PGBD2: variants seen among roughly 807,000 people sequenced by gnomAD.
PGBD2 encodes the protein piggyBac transposable element derived 2, also known as piggyBac transposable element-derived protein 2.
In PGBD2, 6 loss-of-function variants were observed where a neutral mutation model predicts 8.1. The observed-to-expected ratio is 0.74, with a 90% CI of 0.40 to 1.46. PGBD2 has a LOEUF of 1.46. PGBD2 is among the 40% of genes most tolerant of loss of function. The pLI is 0.02. For synonymous variants in PGBD2, 318 were observed against 272.2 expected (o/e 1.17, Z -1.66); for missense variants, 802 against 739.0 (o/e 1.09, Z -0.99).
downstream of PGBD2, among the ~76,000 whole-genome samples, chr1:248,924,853 T>C (rs1391414400): frequency 6.8e-6 from 1 of 148,038 alleles, no homozygotes; most frequent in African/African-American, 2.7e-5. Flanking sequence ...AGGGTGTCTG[T>C]TTTTCTTACC....
At chr1:248,879,330 T>G in the PGBD2 span, among the ~76,000 whole-genome samples, 2 of 152,216 alleles carry the variant, frequency 1.3e-5, no homozygotes, top group Admixed American at 6.5e-5. Context: ...ATTTTGTGTG[T>G]CAATTGTTAT....
intron 1 of PGBD2, among the ~76,000 whole-genome samples, chr1:248,907,405 G>A (rs112746244): frequency 6.6e-6 from 1 of 152,212 alleles, no homozygotes; most frequent in African/African-American, 2.4e-5. Context: ...CCAGGGGCAG[G>A]CAGGACACAG....
intron 1 of PGBD2, among the ~76,000 whole-genome samples, chr1:248,907,293 C>G (rs1317371383): frequency 6.6e-6 from 1 of 152,252 alleles, no homozygotes; most frequent in Non-Finnish European, 1.5e-5. Flanking sequence ...AACAGGGCAG[C>G]ATTGCTGCCA....
At chr1:248,923,218 C>A (rs1662321503), downstream of PGBD2, among the ~76,000 whole-genome samples, 1 of 152,148 alleles carries the variant, frequency 6.6e-6, no homozygotes, top group Non-Finnish European at 1.5e-5. Context: ...TTATTTGTTT[C>A]TTCTAGATTT....
intron 1 of PGBD2, among the ~76,000 whole-genome samples, chr1:248,906,952 C>A (rs1318936916): frequency 6.6e-6 from 1 of 152,028 alleles, no homozygotes; most frequent in African/African-American, 2.4e-5. Context: ...TGTGGGATAT[C>A]TTGTCAGGTG....
chr1:248,918,683 T>TG lies in PGBD2; in HGVS notation c.*321dup, dbSNP rs1225728726. On this transcript the variant is annotated 3_prime_UTR_variant, in exon 3 of 3. Coordinates refer to ENST00000329291, the MANE Select transcript of PGBD2 (RefSeq NM_170725.3). ...TAGCAAGAATAATCAAAGGAAAACT[T>TG]GCAAGAACAGTAAGAAGACTTTACC... 1.8e-5 allele frequency: 3 copies of TG among 170,068 alleles called. No homozygotes were observed. The highest frequency in any genetic ancestry group is 7.2e-5 in the African/African-American group (3 of 41,702). 10.5% of individuals were successfully genotyped at this position (170,068 alleles called of 1,614,324 possible). A position where few individuals can be genotyped will look rare whatever the true frequency, so the allele number is the denominator to read the frequency against.
downstream of PGBD2, among the ~76,000 whole-genome samples, chr1:248,920,281 A>C (rs1662257982): frequency 6.6e-6 from 1 of 151,928 alleles, no homozygotes; most frequent in Non-Finnish European, 1.5e-5. Flanking sequence ...TATTTGTCCT[A>C]ATGCTATCCC....
At chr1:248,904,522 A>C (rs1468744750), upstream of PGBD2, among the ~76,000 whole-genome samples, 1 of 152,178 alleles carries the variant, frequency 6.6e-6, no homozygotes, top group Non-Finnish European at 1.5e-5. Context: ...TGGATCATAA[A>C]GGTATGGAAG....
intron 2 of PGBD2, among the ~76,000 whole-genome samples, 158 bp downstream of exon 2, chr1:248,914,037 G>C (rs867935947): frequency 5.9e-5 from 9 of 152,162 alleles, no homozygotes; most frequent in South Asian, 2.1e-4. Context: ...AGAAGAATGG[G>C]AAAAATGGGA....
chr1:248,886,994 C>T, the PGBD2 span, among the ~76,000 whole-genome samples: 1 of 152,044 alleles, frequency 6.6e-6, no homozygotes, highest in Non-Finnish European at 1.5e-5. Flanking sequence ...CTCAGGATTA[C>T]AGGATATATA....
chr1:248,880,255 G>T, the PGBD2 span, among the ~76,000 whole-genome samples: 1 of 152,166 alleles, frequency 6.6e-6, no homozygotes, highest in Non-Finnish European at 1.5e-5. Flanking sequence ...CATTCCATGT[G>T]AGCAGTTTTG....
At chr1:248,920,769 A>C (rs1662268083), downstream of PGBD2, among the ~76,000 whole-genome samples, 1 of 152,182 alleles carries the variant, frequency 6.6e-6, no homozygotes, top group East Asian at 1.9e-4. Flanking sequence ...AACAGTGTAA[A>C]AGCGTCCCTA....
chr1:248,916,788 T>C lies in PGBD2; in HGVS notation c.204T>C (p.Ala68=), dbSNP rs747667896. Residue 68 remains alanine, a synonymous_variant, in exon 3 of 3, where the codon GCT becomes GCC. Transcript: ENST00000329291. ...GGGATGAAGACAGCCAGCGAGGTGC[T>C]CACCTACCTGGCAGTGTGCTGCATG... The part of the protein sequence containing the change: ...DSGDEDSQRG[A]HLPGSVLHAS... 3 of 1,614,158 alleles carry C rather than the reference T, an allele frequency of 1.9e-6. No individual in the cohort carries two copies. In the South Asian group the frequency reaches 3.3e-5, roughly 18 times the overall value.
chr1:248,901,586 TAACTC>T (rs922842146), upstream of PGBD2, among the ~76,000 whole-genome samples: 1 of 152,072 alleles, frequency 6.6e-6, no homozygotes, highest in Non-Finnish European at 1.5e-5. Context: ...ATACAAAAAA[TAACTC>T]AAGATGGATT....
intron 2 of PGBD2, 75 bp downstream of exon 2, chr1:248,913,954 C>T: frequency 2.4e-6 from 3 of 1,252,354 alleles, no homozygotes; most frequent in Non-Finnish European, 3.5e-6. Context: ...AGGTCCATGA[C>T]ATTTTTAGCT....
At chr1:248,915,969 C>G (rs898531919) in intron 2 of PGBD2, among the ~76,000 whole-genome samples, 1 of 152,126 alleles carries the variant, frequency 6.6e-6, no homozygotes, top group South Asian at 2.1e-4. Flanking sequence ...CTCCCTGTTG[C>G]CAGTTTCTGT....
the PGBD2 span, among the ~76,000 whole-genome samples, chr1:248,889,698 A>G: frequency 6.6e-6 from 1 of 152,172 alleles, no homozygotes; most frequent in East Asian, 1.9e-4. Flanking sequence ...CTTCACCCTC[A>G]TACACTGGAG....
upstream of PGBD2, among the ~76,000 whole-genome samples, chr1:248,902,519 C>A (rs1661552429): frequency 6.6e-6 from 1 of 152,140 alleles, no homozygotes; most frequent in East Asian, 1.9e-4. Flanking sequence ...GAATATAAAT[C>A]ATTCTATGAT....
chr1:248,920,311 CT>C (rs1340971647), downstream of PGBD2, among the ~76,000 whole-genome samples: 1 of 152,096 alleles, frequency 6.6e-6, no homozygotes, highest in Non-Finnish European at 1.5e-5. Context: ...CCCCCACCCC[CT>C]GACAGGTCCT....
Sources: gnomAD v4.1 joint callset for allele counts (sites outside exome capture counted in the v4.1 genomes callset) on GRCh38, gnomAD v4.1.1 for gene constraint, MANE v1.5 for transcripts, NCBI Gene and HGNC (gene_info 2026-07-23, HGNC 2026-07-21) for gene names.